RNF38: variants seen among roughly 807,000 people sequenced by gnomAD.
RNF38 encodes the protein E3 ubiquitin-protein ligase RNF38.
In RNF38, 15 loss-of-function variants were observed where a neutral mutation model predicts 67.2. The ratio of observed to expected loss-of-function variants is 0.22; its 90% CI spans 0.15 to 0.34. The LOEUF (loss-of-function observed/expected upper bound fraction) is 0.34, where lower values mean the gene tolerates loss of function less well. Among genes scored for constraint, RNF38 ranks in the 10% least tolerant of loss-of-function variants. The probability of loss-of-function intolerance (pLI) is 1.00; values close to 1 mark genes in which losing one functional copy is unlikely to be tolerated. For missense variants in RNF38, 524 were observed against 639.9 expected (o/e 0.82, Z 1.95); for synonymous variants, 220 against 218.8 (o/e 1.01, Z -0.05).
exon 2 of RNF38, chr9:36,424,680 C>T (rs1838723901): frequency 2.0e-6 from 2 of 984,512 alleles, no homozygotes; most frequent in Non-Finnish European, 2.4e-6. Context: ...AGCACCAACA[C>T]TACCTACAAG....
chr9:36,442,070 A>AG (rs894043544), intron 1 of RNF38, among the ~76,000 whole-genome samples: 5 of 152,004 alleles, frequency 3.3e-5, no homozygotes, highest in Admixed American at 2.0e-4. Context: ...CCTACTTATA[A>AG]GGGGGGGAGG....
chr9:36,430,270 G>A (rs932889892), intron 1 of RNF38, among the ~76,000 whole-genome samples: 2 of 152,042 alleles, frequency 1.3e-5, no homozygotes, highest in Admixed American at 6.6e-5. Context: ...GCAATGGCGC[G>A]ATCTCAGCTC....
intron 2 of RNF38, among the ~76,000 whole-genome samples, chr9:36,388,681 G>C (rs751219550): frequency 1.1e-4 from 16 of 152,136 alleles, no homozygotes; most frequent in Non-Finnish European, 2.1e-4. Flanking sequence ...AGAGAAGGTT[G>C]ATGTCCTCAG....
rs1056874422 is a variant in RNF38 at position 36,375,990 on chromosome 9, T to C, written c.300A>G (p.Pro100=). The C allele has an allele frequency of 1.9e-6, 3 of 1,613,262 alleles. No homozygotes were observed. The African/African-American group carries it at 4.0e-5, about 22-fold the overall frequency. ...GTTCCCCTGAGAAGTGATGTTGGCTTGGTCGAACTGAAGGGGGCTGCCTAT... is the reference window on the plus strand; with the variant it reads ...GTTCCCCTGAGAAGTGATGTTGGCTCGGTCGAACTGAAGGGGGCTGCCTAT... The part of the protein sequence containing the change: ...TSNRQPPSVR[P]SQHHFSGERC... Residue 100 remains proline, a synonymous_variant, in exon 3 of 12, where the codon CCA becomes CCG. Transcript: ENST00000259605.
chr9:36,414,673 C>G (rs200954416), intron 2 of RNF38, among the ~76,000 whole-genome samples: 69 of 137,122 alleles, frequency 5.0e-4, no homozygotes, highest in African/African-American at 1.8e-3. Context: ...GCAACGAGAG[C>G]GAAACTCTGT....
chr9:36,451,737 T>C (rs2134338577), intron 1 of RNF38, among the ~76,000 whole-genome samples: 1 of 151,582 alleles, frequency 6.6e-6, no homozygotes, highest in Non-Finnish European at 1.5e-5. Flanking sequence ...TGACCTCAGG[T>C]GATCCGCCCA....
chr9:36,384,835 A>G (rs1208288446), intron 2 of RNF38, among the ~76,000 whole-genome samples: 1 of 152,248 alleles, frequency 6.6e-6, no homozygotes, highest in East Asian at 1.9e-4. Context: ...GTCATAAAGC[A>G]GCAGAGACAA....
intron 1 of RNF38, among the ~76,000 whole-genome samples, chr9:36,480,548 C>CTTTTTTTTTT (rs3072687): frequency 6.9e-5 from 7 of 100,820 alleles, no homozygotes; most frequent in Admixed American, 1.3e-4. Flanking sequence ...TTTTCTTTTT[C>CTTTTTTTTTT]TTTTTTTTTT....
intron 1 of RNF38, among the ~76,000 whole-genome samples, chr9:36,432,324 G>A (rs1416042750): frequency 1.3e-5 from 2 of 151,942 alleles, no homozygotes; most frequent in African/African-American, 4.8e-5. Context: ...TAGTGGAAAC[G>A]GGGTTTCACT....
Position 36,480,552 on chromosome 9 carries a change from T to TC in RNF38, n.241+6755_241+6756insG, listed in dbSNP as rs1554703106. Among the ~76,000 whole-genome samples, 269 of 141,100 alleles carry TC rather than the reference T, an allele frequency of 1.9e-3. 3 individuals carry two copies. Among genetic ancestry groups the TC allele is most frequent in the African/African-American group, 6.8e-3 (254 of 37,614 alleles). 92.6% of individuals were successfully genotyped at this position (141,100 alleles called of 152,430 possible). A position where few individuals can be genotyped will look rare whatever the true frequency, so the allele number is the denominator to read the frequency against. On this transcript the variant is annotated intron_variant and non_coding_transcript_variant, in intron 1 of 3. Transcript: ENST00000488058. ...GTATACAGTTTTTTTCTTTTTCTTT[T>TC]TTTTTTTTTTTTTTTTTGAGACAGG...
chr9:36,398,591 C>T (rs959908097), intron 1 of RNF38, among the ~76,000 whole-genome samples: 1 of 152,164 alleles, frequency 6.6e-6, no homozygotes, highest in Admixed American at 6.5e-5. Context: ...TGCTGATGAA[C>T]TAGACAAGAA....
rs528936483 is a variant in RNF38 at position 36,338,457 on chromosome 9, C to A, written c.*1295G>T. The A allele has an allele frequency of 6.6e-6, 1 of 152,316 alleles. No homozygotes were observed. The highest frequency in any genetic ancestry group is 2.4e-5 in the African/African-American group (1 of 41,568). 9.4% of individuals were successfully genotyped at this position (152,316 alleles called of 1,614,324 possible). A position where few individuals can be genotyped will look rare whatever the true frequency, so the allele number is the denominator to read the frequency against. On this transcript the variant is annotated 3_prime_UTR_variant, in exon 12 of 12. Coordinates refer to ENST00000259605, the MANE Select transcript of RNF38 (RefSeq NM_022781.5). ...CAGGTCTAAGGAACATGAGCTGTAACAGCACTTGATCCATCCTGAAACCAG... is the reference window on the plus strand; with the variant it reads ...CAGGTCTAAGGAACATGAGCTGTAAAAGCACTTGATCCATCCTGAAACCAG...
chr9:36,476,306 C>T (rs959137922), intron 1 of RNF38, among the ~76,000 whole-genome samples: 5 of 151,772 alleles, frequency 3.3e-5, no homozygotes, highest in Admixed American at 2.6e-4. Flanking sequence ...TTAGTAGAGA[C>T]GGGGTTTCCC....
Position 36,352,726 on chromosome 9 carries a change from A to T in RNF38, c.1178+16T>A, listed in dbSNP as rs1422033732. ...GTTTCAAAATTCAGAAATCATTAAG[A>T]TAAGAAAGAACTTACAACACATATG... On this transcript the variant is annotated intron_variant, in intron 8 of 11. Coordinates refer to ENST00000259605, the MANE Select transcript of RNF38 (RefSeq NM_022781.5). The T allele has an allele frequency of 6.5e-7, 1 of 1,549,524 alleles. No homozygotes were observed. The highest frequency in any genetic ancestry group is 2.2e-5 in the East Asian group (1 of 44,558).
intron 3 of RNF38, among the ~76,000 whole-genome samples, chr9:36,375,065 C>T (rs1018400939): frequency 5.3e-5 from 8 of 152,222 alleles, no homozygotes; most frequent in Non-Finnish European, 8.8e-5. Context: ...CCTCTGGCAA[C>T]AAATAATGAG....
intron 1 of RNF38, among the ~76,000 whole-genome samples, chr9:36,480,548 C>CT (rs3072687): frequency 0.5 from 50,056 of 100,966 alleles, 13,408 homozygotes; most frequent in Non-Finnish European, 0.57. Context: ...TTTTCTTTTT[C>CT]TTTTTTTTTT....
intron 3 of RNF38, among the ~76,000 whole-genome samples, chr9:36,375,105 T>C (rs923821824): frequency 6.6e-6 from 1 of 152,210 alleles, no homozygotes; most frequent in South Asian, 2.1e-4. Flanking sequence ...TGCACTCCTC[T>C]AGGATGAAAA....
intron 2 of RNF38, among the ~76,000 whole-genome samples, chr9:36,419,372 A>G (rs1417973865): frequency 6.6e-6 from 1 of 152,204 alleles, no homozygotes; most frequent in African/African-American, 2.4e-5. Flanking sequence ...ACTATAAGGA[A>G]TTCTTGTCAA....
chr9:36,377,018 C>T lies in RNF38; in HGVS notation c.163-891G>A, dbSNP rs796152185. Among the ~76,000 whole-genome samples, 10 of 150,696 alleles carry T rather than the reference C, an allele frequency of 6.6e-5. No individual in the cohort carries two copies. The South Asian group carries it at 2.1e-3, about 32-fold the overall frequency. ...GCAGATTTACATGATCAGTTCTTAA[C>T]TAGAATATCACAGCAGTTTGGAAGT... is the stretch of plus-strand genomic sequence containing the variant. On this transcript the variant is annotated intron_variant, in intron 2 of 11. Transcript: ENST00000259605.
Sources: gnomAD v4.1 joint callset for allele counts (sites outside exome capture counted in the v4.1 genomes callset) on GRCh38, gnomAD v4.1.1 for gene constraint, MANE v1.5 for transcripts, NCBI Gene and HGNC (gene_info 2026-07-23, HGNC 2026-07-21) for gene names.